HNF4G: variants seen among roughly 807,000 people sequenced by gnomAD.
HNF4G encodes hepatocyte nuclear factor 4-gamma.
A neutral mutation model predicts 50.9 loss-of-function variants in HNF4G; 21 were observed. The observed-to-expected ratio is 0.41, with a 90% confidence interval of 0.29 to 0.59. The LOEUF is 0.59. Ranked by LOEUF, HNF4G falls within the 20% of genes least tolerant of loss-of-function variation. HNF4G has a pLI of 0.26. For synonymous variants in HNF4G, 198 were observed against 185.6 expected, an observed-to-expected ratio of 1.07 and a Z score of -0.54; for missense variants, 527 against 559.4, an observed-to-expected ratio of 0.94 and a Z score of 0.58.
Position 75,430,018 on chromosome 8 carries a change from G to A in HNF4G, c.-144+21856G>A, listed in dbSNP as rs772805674. 2.0e-5 allele frequency among the ~76,000 whole-genome samples: 3 copies of A among 152,018 alleles called. No individual in the cohort carries two copies. The East Asian group carries it at 5.8e-4, about 29-fold the overall frequency. ...TATAAAAAATTAGCCAGGCATGGTG[G>A]CATGCGCCTGTAGTCCCAGCTACTA... On this transcript the variant is annotated intron_variant, in intron 1 of 10. Coordinates refer to the HNF4G transcript ENST00000354370.
At chr8:75,440,120 T>C (rs1022057064) in intron 1 of HNF4G, among the ~76,000 whole-genome samples, 9 of 152,188 alleles carry the variant, frequency 5.9e-5, no homozygotes, top group Non-Finnish European at 1.2e-4. Flanking sequence ...TACAAATCCA[T>C]AGCTGGTTGT....
intron 1 of HNF4G, among the ~76,000 whole-genome samples, chr8:75,472,496 G>A (rs1353387505): frequency 2.0e-5 from 3 of 152,164 alleles, no homozygotes; most frequent in Non-Finnish European, 2.9e-5. Context: ...GCCTAAGCTC[G>A]TGAGGCTGGG....
intron 1 of HNF4G, among the ~76,000 whole-genome samples, chr8:75,424,667 G>T (rs890060631): frequency 2.6e-5 from 4 of 152,136 alleles, no homozygotes; most frequent in African/African-American, 9.7e-5. Flanking sequence ...GTGTTAATTT[G>T]CATAGGATAA....
chr8:75,470,974 G>A (rs1407719023), intron 1 of HNF4G, among the ~76,000 whole-genome samples: 1 of 152,002 alleles, frequency 6.6e-6, no homozygotes, highest in African/African-American at 2.4e-5. Flanking sequence ...CAACTGTATG[G>A]CTTTTAATCA....
exon 2 of HNF4G, chr8:75,490,098 CG>C (rs1563526616): frequency 6.6e-6 from 1 of 152,580 alleles, no homozygotes; most frequent in Non-Finnish European, 1.5e-5. Context: ...GGAGCACCAG[CG>C]AAAGCAGCCA....
chr8:75,420,361 T>C (rs1396074185), intron 1 of HNF4G, among the ~76,000 whole-genome samples: 1 of 152,238 alleles, frequency 6.6e-6, no homozygotes, highest in Non-Finnish European at 1.5e-5. Flanking sequence ...TCTTCCTGCT[T>C]AAAATCATCT....
At chr8:75,559,286 T>TG (rs540143089) in intron 8 of HNF4G, among the ~76,000 whole-genome samples, 3 of 150,650 alleles carry the variant, frequency 2.0e-5, no homozygotes, top group Non-Finnish European at 4.4e-5. Context: ...TGTTTTTTTT[T>TG]TTTTTTAAGA....
chr8:75,506,184 A>G (rs1813074540), intron 2 of HNF4G, among the ~76,000 whole-genome samples: 4 of 152,066 alleles, frequency 2.6e-5, no homozygotes, highest in Admixed American at 2.6e-4. Flanking sequence ...GTAGTATAAA[A>G]GCTAAATAAT....
chr8:75,536,744 A>G (rs1325749782), upstream of HNF4G, among the ~76,000 whole-genome samples: 1 of 152,154 alleles, frequency 6.6e-6, no homozygotes, highest in Non-Finnish European at 1.5e-5. Context: ...AAGAATTAGT[A>G]TTAAGAGTAT....
intron 1 of HNF4G, among the ~76,000 whole-genome samples, chr8:75,425,408 T>A (rs1464918845): frequency 6.6e-6 from 1 of 151,750 alleles, no homozygotes; most frequent in Non-Finnish European, 1.5e-5. Flanking sequence ...AAAAATCAAC[T>A]TATCTAGTAT....
intron 2 of HNF4G, among the ~76,000 whole-genome samples, chr8:75,514,000 T>A (rs2130731672): frequency 6.6e-6 from 1 of 152,172 alleles, no homozygotes; most frequent in South Asian, 2.1e-4. Flanking sequence ...GTGCATTCTA[T>A]TAGTTTGCTA....
intron 1 of HNF4G, among the ~76,000 whole-genome samples, chr8:75,447,204 G>T (rs1198132227): frequency 2.9e-4 from 13 of 45,156 alleles, no homozygotes; most frequent in African/African-American, 2.0e-3. Flanking sequence ...TTTAATAAAT[G>T]GTGCTGGGAA....
At chr8:75,428,838 C>T (rs1460165392) in intron 1 of HNF4G, among the ~76,000 whole-genome samples, 1 of 152,018 alleles carries the variant, frequency 6.6e-6, no homozygotes, top group Non-Finnish European at 1.5e-5. Flanking sequence ...ATATTTTAAG[C>T]AGGGAGATGG....
intron 2 of HNF4G, among the ~76,000 whole-genome samples, chr8:75,524,011 G>A (rs1563540102): frequency 8.1e-6 from 1 of 123,810 alleles, no homozygotes; most frequent in Non-Finnish European, 1.8e-5. Context: ...GGAAGTATGA[G>A]TATACTTATA....
At chr8:75,461,088 T>C (rs1279130861) in intron 1 of HNF4G, among the ~76,000 whole-genome samples, 1 of 152,168 alleles carries the variant, frequency 6.6e-6, no homozygotes, top group African/African-American at 2.4e-5. Context: ...AGGGACAAGA[T>C]GTAAGCCTGT....
upstream of HNF4G, among the ~76,000 whole-genome samples, chr8:75,537,365 T>A (rs1396491634): frequency 6.6e-6 from 1 of 152,094 alleles, no homozygotes; most frequent in African/African-American, 2.4e-5. Flanking sequence ...TGCCTCAGCC[T>A]CCTGAGTAGT....
At chr8:75,454,393 A>G (rs1811668752) in intron 1 of HNF4G, among the ~76,000 whole-genome samples, 1 of 152,232 alleles carries the variant, frequency 6.6e-6, no homozygotes, top group Non-Finnish European at 1.5e-5. Context: ...ATTTCCCAGT[A>G]CATCGTAAAA....
intron 1 of HNF4G, among the ~76,000 whole-genome samples, chr8:75,447,548 A>T (rs918574561): frequency 1.7e-4 from 25 of 148,668 alleles, no homozygotes; most frequent in African/African-American, 6.1e-4. Context: ...CAAAGGGCTA[A>T]TATCCAGAAT....
intron 9 of HNF4G, among the ~76,000 whole-genome samples, chr8:75,561,300 A>G (rs999878559): frequency 3.9e-5 from 6 of 152,170 alleles, no homozygotes; most frequent in African/African-American, 9.7e-5. Flanking sequence ...TAGAGACTCA[A>G]ACAACAGCAG....
Sources: allele counts gnomAD v4.1 joint callset (sites outside exome capture counted in the v4.1 genomes callset), GRCh38; gene constraint gnomAD v4.1.1; transcripts MANE v1.5; gene names NCBI Gene and HGNC (gene_info 2026-07-23, HGNC 2026-07-21).